Variants in ST6GAL1 observed in about 807,000 individuals in gnomAD.
ST6GAL1 encodes the protein beta-galactoside alpha-2,6-sialyltransferase 1.
ST6GAL1 carries 20 observed loss-of-function variants against 38.0 expected under a neutral mutation model. The observed-to-expected ratio is 0.53, with a 90% CI of 0.37 to 0.77. The LOEUF (loss-of-function observed/expected upper bound fraction) is 0.77, where lower values mean the gene tolerates loss of function less well. Ranked by LOEUF, ST6GAL1 falls within the 30% of genes least tolerant of loss-of-function variation. The pLI is 0.00. For missense variants in ST6GAL1, 432 were observed against 496.4 expected (o/e 0.87, Z 1.23); for synonymous variants, 196 against 188.2 (o/e 1.04, Z -0.34).
intron 5 of ST6GAL1, among the ~76,000 whole-genome samples, chr3:187,067,427 T>C (rs940407442): frequency 1.3e-5 from 2 of 148,550 alleles, no homozygotes; most frequent in Non-Finnish European, 3.0e-5. Flanking sequence ...GTAGAAAATC[T>C]TTGAACTTCA....
chr3:187,063,926 A>G (rs1263207992), intron 5 of ST6GAL1, among the ~76,000 whole-genome samples: 2 of 152,134 alleles, frequency 1.3e-5, no homozygotes, highest in African/African-American at 4.8e-5. Context: ...TTTTAGGATC[A>G]AAGGAGTTAC....
At chr3:187,005,497 G>A (rs909164982) in intron 2 of ST6GAL1, among the ~76,000 whole-genome samples, 1 of 151,790 alleles carries the variant, frequency 6.6e-6, no homozygotes, top group African/African-American at 2.4e-5. Context: ...GGATGGTCTC[G>A]ATCTCCTGAC....
chr3:187,031,521 C>T (rs1246208274), intron 2 of ST6GAL1, among the ~76,000 whole-genome samples: 2 of 150,502 alleles, frequency 1.3e-5, no homozygotes, highest in Admixed American at 6.6e-5. Context: ...CTGCAACCTC[C>T]ACCTCCCGGG....
At chr3:186,967,332 C>T (rs540087640) in intron 2 of ST6GAL1, among the ~76,000 whole-genome samples, 56 of 152,308 alleles carry the variant, frequency 3.7e-4, no homozygotes, top group Middle Eastern at 3.4e-3. Context: ...GCTGAGATTA[C>T]AGGCGCCTGC....
chr3:186,956,331 G>A (rs1714749343), intron 1 of ST6GAL1, among the ~76,000 whole-genome samples: 1 of 152,132 alleles, frequency 6.6e-6, no homozygotes, highest in South Asian at 2.1e-4. Flanking sequence ...ACTGATGTGA[G>A]GCTATTTATA....
chr3:187,032,769 T>C (rs368022753), intron 2 of ST6GAL1, among the ~76,000 whole-genome samples: 1 of 152,204 alleles, frequency 6.6e-6, no homozygotes, highest in South Asian at 2.1e-4. Flanking sequence ...TTCTTTGAGC[T>C]GATGAGGAGA....
At chr3:187,037,009 G>C (rs1326873610) in intron 2 of ST6GAL1, among the ~76,000 whole-genome samples, 1 of 152,126 alleles carries the variant, frequency 6.6e-6, no homozygotes, top group East Asian at 1.9e-4. Flanking sequence ...GTAATGTAGA[G>C]AATCATTTTA....
intron 5 of ST6GAL1, among the ~76,000 whole-genome samples, chr3:187,051,777 G>A (rs1718524151): frequency 6.6e-6 from 1 of 152,146 alleles, no homozygotes. Context: ...ATGTAATTAT[G>A]TGTAATATGG....
intron 2 of ST6GAL1, among the ~76,000 whole-genome samples, chr3:186,990,742 G>A (rs1488884123): frequency 1.3e-5 from 2 of 150,866 alleles, no homozygotes; most frequent in South Asian, 2.1e-4. Context: ...GAACCCGGGA[G>A]GCAGAGGTTG....
At chr3:187,022,086 C>G (rs1163581286) in intron 2 of ST6GAL1, 2 of 152,370 alleles carry the variant, frequency 1.3e-5, no homozygotes, top group African/African-American at 4.8e-5. Context: ...CCAATGGAAG[C>G]TGGTTGGTCA....
intron 2 of ST6GAL1, among the ~76,000 whole-genome samples, chr3:186,997,063 T>C (rs2108550027): frequency 6.6e-6 from 1 of 152,146 alleles, no homozygotes; most frequent in African/African-American, 2.4e-5. Context: ...AAGAAATGTA[T>C]TCTTGGGGAG....
intron 1 of ST6GAL1, among the ~76,000 whole-genome samples, chr3:186,960,111 A>T (rs1490623762): frequency 6.6e-6 from 1 of 152,180 alleles, no homozygotes; most frequent in Non-Finnish European, 1.5e-5. Flanking sequence ...AGCTCTCCAA[A>T]TCCTGGTTCT....
chr3:187,072,621 C>A, intron 5 of ST6GAL1: 1 of 489,984 alleles, frequency 2.0e-6, no homozygotes, highest in East Asian at 3.9e-5. Context: ...GGATGGAACC[C>A]TTTCTATTCT....
At chr3:187,025,103 G>T (rs1327804292) in intron 2 of ST6GAL1, among the ~76,000 whole-genome samples, 1 of 151,960 alleles carries the variant, frequency 6.6e-6, no homozygotes, top group African/African-American at 2.4e-5. Context: ...TCTGCCAGGG[G>T]TGGTACGTAG....
At position 187,075,553 on chromosome 3, in the gene ST6GAL1, CCT is replaced by C; in HGVS notation, c.980-5_980-4del. On this transcript the variant is annotated splice_polypyrimidine_tract_variant and splice_region_variant and intron_variant, in intron 7 of 7. Transcript: ENST00000169298. The surrounding 1 kb of genome is among the most constrained non-coding windows in gnomAD (Gnocchi z 4.1). Reference sequence around the variant, plus strand: ...GTCAGGCATGACTCACCTCTGCTCCCCTCTCCAGGTATCATCATCATGATGAC... The same window carrying C: ...GTCAGGCATGACTCACCTCTGCTCCCCTCCAGGTATCATCATCATGATGAC... 1 of 1,613,556 alleles carries C rather than the reference CCT, an allele frequency of 6.2e-7. No homozygotes were observed.
At chr3:186,961,579 C>T (rs952887754) in intron 1 of ST6GAL1, among the ~76,000 whole-genome samples, 3 of 152,106 alleles carry the variant, frequency 2.0e-5, no homozygotes, top group Non-Finnish European at 2.9e-5. Context: ...TTAAGAAGCA[C>T]AAAAGGAATC....
chr3:187,018,358 G>A (rs928543093), intron 2 of ST6GAL1, among the ~76,000 whole-genome samples: 2 of 152,072 alleles, frequency 1.3e-5, no homozygotes, highest in Non-Finnish European at 1.5e-5. Flanking sequence ...GGGTTCTCTA[G>A]AGGGACAAAA....
intron 2 of ST6GAL1, among the ~76,000 whole-genome samples, chr3:186,997,678 G>A (rs1716464100): frequency 6.6e-6 from 1 of 151,930 alleles, no homozygotes; most frequent in South Asian, 2.1e-4. Flanking sequence ...GATCACTTGA[G>A]CCTGCGAGAT....
chr3:187,046,272 A>G (rs1045560441), intron 4 of ST6GAL1, among the ~76,000 whole-genome samples: 1 of 152,172 alleles, frequency 6.6e-6, no homozygotes, highest in African/African-American at 2.4e-5. Flanking sequence ...AGGAGCCAGG[A>G]TGTCTAGCCT....
Sources: allele counts gnomAD v4.1 joint callset (sites outside exome capture counted in the v4.1 genomes callset), GRCh38; gene constraint gnomAD v4.1.1; non-coding constraint Gnocchi (gnomAD v3.1); transcripts MANE v1.5; gene names NCBI Gene and HGNC (gene_info 2026-07-23, HGNC 2026-07-21).